SHISA9: variants seen among roughly 807,000 people sequenced by gnomAD.
The protein encoded by SHISA9 is shisa family member 9.
A neutral mutation model predicts 38.0 loss-of-function variants in SHISA9; 13 were observed. The ratio of observed to expected loss-of-function variants is 0.34; its 90% CI spans 0.22 to 0.54. SHISA9 has a LOEUF of 0.54. Ranked by LOEUF, SHISA9 falls within the 20% of genes least tolerant of loss-of-function variation. The pLI, the probability that SHISA9 is intolerant of heterozygous loss-of-function variation, is 0.91. For missense variants in SHISA9, 538 were observed against 575.8 expected, an observed-to-expected ratio of 0.93 and a Z score of 0.67; for synonymous variants, 275 against 242.0, an observed-to-expected ratio of 1.14 and a Z score of -1.27.
chr16:13,397,642 G>T, the SHISA9 span, among the ~76,000 whole-genome samples: 1 of 152,036 alleles, frequency 6.6e-6, no homozygotes, highest in Non-Finnish European at 1.5e-5. Context: ...CACCATGTTG[G>T]CCAGGATGGT....
intron 2 of SHISA9, among the ~76,000 whole-genome samples, chr16:13,197,100 T>G (rs1251846364): frequency 4.2e-5 from 3 of 71,400 alleles, no homozygotes; most frequent in Non-Finnish European, 7.4e-5. Context: ...TCTCTCTCTG[T>G]ACATACACAC....
intron 2 of SHISA9, among the ~76,000 whole-genome samples, chr16:13,000,684 C>T (rs34494407): frequency 0.092 from 13,969 of 152,098 alleles, 726 homozygotes; most frequent in East Asian, 0.13. Context: ...AGGAGGGCTA[C>T]GGGGGATGAC....
At chr16:12,914,511 G>A (rs1013030422) in intron 1 of SHISA9, among the ~76,000 whole-genome samples, 1 of 152,130 alleles carries the variant, frequency 6.6e-6, no homozygotes, top group Non-Finnish European at 1.5e-5. Context: ...AACAATGAAA[G>A]AATGATAGCT....
intron 2 of SHISA9, among the ~76,000 whole-genome samples, chr16:13,034,586 A>T (rs1400629765): frequency 6.6e-6 from 1 of 151,910 alleles, no homozygotes. Flanking sequence ...AATTCTTCAG[A>T]CCTCCCTCCA....
chr16:13,562,224 A>G, the SHISA9 span, among the ~76,000 whole-genome samples: 1 of 152,218 alleles, frequency 6.6e-6, no homozygotes, highest in Admixed American at 6.5e-5. Context: ...AGGTATTATG[A>G]ATCAGAGAAA....
the SHISA9 span, among the ~76,000 whole-genome samples, chr16:13,275,923 A>T: frequency 6.6e-6 from 1 of 151,852 alleles, no homozygotes; most frequent in African/African-American, 2.4e-5. Flanking sequence ...TTTTTAAAAA[A>T]AATTAATTTA....
At chr16:13,342,370 C>G in the SHISA9 span, among the ~76,000 whole-genome samples, 2 of 152,148 alleles carry the variant, frequency 1.3e-5, no homozygotes, top group African/African-American at 4.8e-5. Context: ...TCACTGCAAC[C>G]TCCATCTCCT....
At chr16:13,536,002 T>TC in the SHISA9 span, among the ~76,000 whole-genome samples, 1 of 105,990 alleles carries the variant, frequency 9.4e-6, no homozygotes, top group African/African-American at 4.4e-5. Flanking sequence ...TATTTTTTTC[T>TC]TTTTTTTTTT....
chr16:12,931,708 A>T (rs2071463709), intron 2 of SHISA9, among the ~76,000 whole-genome samples: 1 of 152,118 alleles, frequency 6.6e-6, no homozygotes, highest in Non-Finnish European at 1.5e-5. Flanking sequence ...ACCTAGGTTG[A>T]TTACATGTCT....
the SHISA9 span, among the ~76,000 whole-genome samples, chr16:13,327,471 G>A: frequency 8.9e-4 from 135 of 152,004 alleles, no homozygotes; most frequent in Non-Finnish European, 1.6e-3. Context: ...CAAAAATTAG[G>A]TGGCTGTGGT....
chr16:13,149,347 A>G (rs1241299830), intron 2 of SHISA9, among the ~76,000 whole-genome samples: 3 of 152,132 alleles, frequency 2.0e-5, no homozygotes, highest in African/African-American at 7.2e-5. Context: ...TGGAGAGGCT[A>G]TCGTTCAATG....
chr16:13,226,078 T>C (rs1471080795), intron 4 of SHISA9, among the ~76,000 whole-genome samples: 2 of 152,116 alleles, frequency 1.3e-5, no homozygotes, highest in African/African-American at 4.8e-5. Flanking sequence ...GTTCAATGAA[T>C]CTGTTATTCT....
At position 13,013,119 on chromosome 16, in the gene SHISA9, G is replaced by A. The variant is rs115907043; in HGVS notation, c.691+96304G>A. On this transcript the variant is annotated intron_variant, in intron 2 of 4. Coordinates refer to ENST00000558583, the MANE Select transcript of SHISA9 (RefSeq NM_001145204.3). ...CTTTCCATGATCTGTGCTAGGATCA[G>A]AGGAGTCTTTCTGGCAACTTGGTGG... Among the ~76,000 whole-genome samples, 576 of 152,298 alleles carry A rather than the reference G, an allele frequency of 3.8e-3. 7 individuals are homozygous for A. The highest frequency in any genetic ancestry group is 0.013 in the African/African-American group (557 of 41,556).
At chr16:13,296,405 CTGTTTTTG>C in the SHISA9 span, among the ~76,000 whole-genome samples, 1 of 151,542 alleles carries the variant, frequency 6.6e-6, no homozygotes, top group East Asian at 1.9e-4. Context: ...GCTGTGCGTG[CTGTTTTTG>C]AACAGCACGC....
chr16:12,915,992 T>TG (rs2071249054), intron 1 of SHISA9, among the ~76,000 whole-genome samples: 10 of 138,772 alleles, frequency 7.2e-5, no homozygotes, highest in African/African-American at 2.7e-4. Context: ...CTGAGTTTTT[T>TG]TTTTGTGTGT....
chr16:13,098,690 G>A (rs567408065), intron 2 of SHISA9, among the ~76,000 whole-genome samples: 1 of 152,332 alleles, frequency 6.6e-6, no homozygotes, highest in Non-Finnish European at 1.5e-5. Context: ...TCCTTAAGGA[G>A]CAACTGCAGG....
chr16:13,279,344 G>C, the SHISA9 span, among the ~76,000 whole-genome samples: 3 of 151,918 alleles, frequency 2.0e-5, no homozygotes, highest in East Asian at 3.9e-4. Flanking sequence ...TCCATGTGCT[G>C]TTGAATAGAA....
At chr16:13,194,516 A>T (rs1219561228) in intron 2 of SHISA9, among the ~76,000 whole-genome samples, 2 of 152,198 alleles carry the variant, frequency 1.3e-5, no homozygotes, top group African/African-American at 4.8e-5. Flanking sequence ...GCCTGGGATA[A>T]TTCGATTAGC....
At chr16:12,978,000 G>GA (rs2072187673) in intron 2 of SHISA9, among the ~76,000 whole-genome samples, 1 of 151,940 alleles carries the variant, frequency 6.6e-6, no homozygotes, top group African/African-American at 2.4e-5. Flanking sequence ...GAAAGCATAA[G>GA]AAAAAAAGAA....
Sources: allele counts gnomAD v4.1 joint callset (sites outside exome capture counted in the v4.1 genomes callset), GRCh38; gene constraint gnomAD v4.1.1; transcripts MANE v1.5; gene names NCBI Gene and HGNC (gene_info 2026-07-23, HGNC 2026-07-21).